KIF16B: variants seen among roughly 807,000 people sequenced by gnomAD.
The protein encoded by KIF16B is kinesin family member 16B, also known as kinesin-like protein KIF16B.
Under a neutral mutation model 156.3 loss-of-function variants are expected in KIF16B, and 98 were observed. That is an observed-to-expected ratio of 0.63 (90% CI 0.53 to 0.74). The LOEUF (loss-of-function observed/expected upper bound fraction) is 0.74, where lower values mean the gene tolerates loss of function less well. Among genes scored for constraint, KIF16B ranks in the 30% least tolerant of loss-of-function variants. The probability of loss-of-function intolerance (pLI) is 0.00; values close to 1 mark genes in which losing one functional copy is unlikely to be tolerated. For synonymous variants in KIF16B, 564 were observed against 583.7 expected, an observed-to-expected ratio of 0.97 and a Z score of 0.49; for missense variants, 1,421 against 1,606.5, an observed-to-expected ratio of 0.88 and a Z score of 1.97.
intron 25 of KIF16B, among the ~76,000 whole-genome samples, chr20:16,283,184 T>C (rs2063172070): frequency 6.6e-6 from 1 of 152,066 alleles, no homozygotes; most frequent in Non-Finnish European, 1.5e-5. Context: ...GGATATTATG[T>C]AGGTGTTTAT....
intron 17 of KIF16B, among the ~76,000 whole-genome samples, chr20:16,395,105 C>G (rs6111090): frequency 2.1e-5 from 3 of 140,962 alleles, no homozygotes; most frequent in Non-Finnish European, 4.6e-5. Context: ...CCCCTGTCAT[C>G]GGTGTCTTCT....
At chr20:16,484,128 T>C (rs933593180) in intron 12 of KIF16B, among the ~76,000 whole-genome samples, 2 of 152,216 alleles carry the variant, frequency 1.3e-5, no homozygotes, top group East Asian at 1.9e-4. Context: ...AGATAATTTA[T>C]GGCATGGCAC....
At chr20:16,308,349 T>G (rs1177706058) in intron 25 of KIF16B, among the ~76,000 whole-genome samples, 1 of 152,234 alleles carries the variant, frequency 6.6e-6, no homozygotes, top group Non-Finnish European at 1.5e-5. Context: ...AATTGCTGAA[T>G]AACTGGAATG....
chr20:16,281,316 C>G (rs1479619714), intron 25 of KIF16B, among the ~76,000 whole-genome samples: 1 of 152,098 alleles, frequency 6.6e-6, no homozygotes, highest in East Asian at 1.9e-4. Flanking sequence ...GGCTTAAAGA[C>G]AAGTATCAGT....
At chr20:16,303,830 A>T (rs1158548334) in intron 25 of KIF16B, among the ~76,000 whole-genome samples, 2 of 152,250 alleles carry the variant, frequency 1.3e-5, no homozygotes, top group Admixed American at 6.5e-5. Context: ...GGATGGCATT[A>T]GGGCCAGGAC....
rs763004989 is a variant in KIF16B at position 16,379,176 on chromosome 20, A to G, written c.2826T>C (p.Leu942=). ...CTTCCATTTCCTTTTCTACTTGATA[A>G]AGAGTGTTGTCTAAGCTGAGAGGGC... ...DRGPLSLDNT[L]YQVEKEMEEK... Residue 942 remains leucine (L), a synonymous_variant, in exon 19 of 26, where the codon CTT becomes CTC. Coordinates refer to ENST00000354981, the MANE Select transcript of KIF16B (RefSeq NM_024704.5). The G allele has an allele frequency of 2.5e-6, 4 of 1,614,146 alleles. No homozygotes were observed. In the South Asian group the frequency reaches 4.4e-5, roughly 18 times the overall value.
At chr20:16,370,863 GAAT>G (rs963853192) in intron 21 of KIF16B, among the ~76,000 whole-genome samples, 6 of 151,920 alleles carry the variant, frequency 3.9e-5, no homozygotes, top group African/African-American at 1.5e-4. Flanking sequence ...AAAATTCTAA[GAAT>G]AATATTAAAA....
chr20:16,501,295 TTGAATTC>T (rs2146977874), intron 10 of KIF16B, among the ~76,000 whole-genome samples: 1 of 89,002 alleles, frequency 1.1e-5, no homozygotes, highest in Non-Finnish European at 2.9e-5. Flanking sequence ...ATACCAAGAA[TTGAATTC>T]TTGGTTCAAT....
chr20:16,482,593 A>G (rs2068010777), intron 12 of KIF16B, among the ~76,000 whole-genome samples: 1 of 152,170 alleles, frequency 6.6e-6, no homozygotes, highest in South Asian at 2.1e-4. Flanking sequence ...GTTGTGTGCC[A>G]TTCTTCAGTT....
intron 1 of KIF16B, among the ~76,000 whole-genome samples, chr20:16,544,122 C>A (rs1222235798): frequency 1.3e-5 from 2 of 152,088 alleles, no homozygotes; most frequent in Non-Finnish European, 2.9e-5. Flanking sequence ...ACAGGAGAAT[C>A]GAGACGCGCA....
intron 12 of KIF16B, among the ~76,000 whole-genome samples, chr20:16,472,046 A>C (rs923649864): frequency 4.6e-5 from 7 of 152,240 alleles, no homozygotes; most frequent in African/African-American, 1.7e-4. Flanking sequence ...AACCATAGCT[A>C]CTGTCGTCTA....
intron 23 of KIF16B, among the ~76,000 whole-genome samples, chr20:16,337,812 T>C (rs2064068273): frequency 6.6e-6 from 1 of 152,172 alleles, no homozygotes; most frequent in Non-Finnish European, 1.5e-5. Flanking sequence ...ACAAACCAGG[T>C]GGCAAAGACA....
At chr20:16,513,417 G>A (rs537455231) in intron 4 of KIF16B, among the ~76,000 whole-genome samples, 158 of 152,192 alleles carry the variant, frequency 1.0e-3, no homozygotes, top group African/African-American at 3.7e-3. Flanking sequence ...CCAGCACTTT[G>A]GGAGGCCGAG....
intron 25 of KIF16B, among the ~76,000 whole-genome samples, chr20:16,286,624 T>G (rs982972441): frequency 2.0e-5 from 3 of 152,216 alleles, no homozygotes; most frequent in Non-Finnish European, 4.4e-5. Flanking sequence ...AGATTCCTAA[T>G]GTCCAGAATT....
chr20:16,467,360 C>T (rs2067521707), intron 12 of KIF16B, among the ~76,000 whole-genome samples: 1 of 152,142 alleles, frequency 6.6e-6, no homozygotes, highest in Non-Finnish European at 1.5e-5. Context: ...TTACCCAGTA[C>T]ATCATGACCA....
intron 23 of KIF16B, among the ~76,000 whole-genome samples, chr20:16,354,506 AC>A (rs1568877998): frequency 1.7e-4 from 25 of 150,154 alleles, no homozygotes; most frequent in African/African-American, 6.3e-4. Context: ...ACACACACAC[AC>A]ACACAATTTA....
chr20:16,546,724 A>T (rs1332978531), intron 1 of KIF16B, among the ~76,000 whole-genome samples: 1 of 152,210 alleles, frequency 6.6e-6, no homozygotes, highest in African/African-American at 2.4e-5. Flanking sequence ...CAATTCATAA[A>T]GATAAGGCTA....
chr20:16,343,309 CT>C (rs1601604968), intron 23 of KIF16B, among the ~76,000 whole-genome samples: 1 of 152,152 alleles, frequency 6.6e-6, no homozygotes, highest in African/African-American at 2.4e-5. Context: ...ATGTTATATA[CT>C]TATTTTGCTG....
At chr20:16,368,816 T>C in intron 22 of KIF16B, 1 of 985,794 alleles carries the variant, frequency 1.0e-6, no homozygotes, top group Non-Finnish European at 1.2e-6. Flanking sequence ...CCTCCGCTAT[T>C]TATAGACACT....
Sources: gnomAD v4.1 joint callset for allele counts (sites outside exome capture counted in the v4.1 genomes callset) on GRCh38, gnomAD v4.1.1 for gene constraint, MANE v1.5 for transcripts, NCBI Gene and HGNC (gene_info 2026-07-23, HGNC 2026-07-21) for gene names.